The following SLC24A2 variants were observed in gnomAD, a reference collection of about 807,000 sequenced individuals.
SLC24A2 encodes the protein sodium/potassium/calcium exchanger 2.
Under a neutral mutation model 62.0 loss-of-function variants are expected in SLC24A2, and 36 were observed. The ratio of observed to expected loss-of-function variants is 0.58; its 90% CI spans 0.44 to 0.77. The LOEUF (loss-of-function observed/expected upper bound fraction) is 0.77. Ranked by LOEUF, SLC24A2 falls within the 30% of genes least tolerant of loss-of-function variation. SLC24A2 has a pLI of 0.00. For synonymous variants in SLC24A2, 358 were observed against 294.0 expected (o/e 1.22, Z -2.23); for missense variants, 846 against 817.9 (o/e 1.03, Z -0.42).
chr9:19,994,750 C>T, the SLC24A2 span, among the ~76,000 whole-genome samples: 9 of 152,166 alleles, frequency 5.9e-5, no homozygotes, highest in Non-Finnish European at 8.8e-5. Flanking sequence ...CTTCATGCAC[C>T]GGTCCTCAAC....
the SLC24A2 span, among the ~76,000 whole-genome samples, chr9:20,063,574 A>G: frequency 6.6e-6 from 1 of 152,092 alleles, no homozygotes; most frequent in Non-Finnish European, 1.5e-5. Flanking sequence ...GCGCATCAGC[A>G]TGGCACATGT....
At chr9:19,669,472 C>T (rs531792092) in intron 2 of SLC24A2, among the ~76,000 whole-genome samples, 1 of 152,194 alleles carries the variant, frequency 6.6e-6, no homozygotes, top group Non-Finnish European at 1.5e-5. Flanking sequence ...CAATAAATAA[C>T]CACAAACTTA....
the SLC24A2 span, among the ~76,000 whole-genome samples, chr9:19,975,772 T>C: frequency 2.0e-5 from 3 of 152,182 alleles, no homozygotes; most frequent in African/African-American, 7.2e-5. Context: ...TTTTGTTTTG[T>C]GGCTTATCCT....
At chr9:19,911,428 T>C in the SLC24A2 span, among the ~76,000 whole-genome samples, 4 of 152,286 alleles carry the variant, frequency 2.6e-5, no homozygotes, top group South Asian at 2.1e-4. Flanking sequence ...TTTGGGTATA[T>C]ACCCAGTAAT....
At chr9:20,240,061 C>T in the SLC24A2 span, among the ~76,000 whole-genome samples, 1 of 151,980 alleles carries the variant, frequency 6.6e-6, no homozygotes, top group African/African-American at 2.4e-5. Context: ...GAACTTGATC[C>T]CTTCTGGCCC....
chr9:20,170,084 T>C, the SLC24A2 span, among the ~76,000 whole-genome samples: 1 of 149,906 alleles, frequency 6.7e-6, no homozygotes, highest in African/African-American at 2.5e-5. Context: ...AGAAAGAACT[T>C]CAGAGCTCAA....
the SLC24A2 span, among the ~76,000 whole-genome samples, chr9:19,962,170 T>TA: frequency 6.6e-6 from 1 of 152,240 alleles, no homozygotes; most frequent in Admixed American, 6.5e-5. Context: ...GCAGTGTGAC[T>TA]GTCTTCAAAT....
chr9:20,051,919 T>C, the SLC24A2 span, among the ~76,000 whole-genome samples: 18,292 of 151,892 alleles, frequency 0.12, 1,086 homozygotes, highest in East Asian at 0.17. Context: ...AGAAGAATCC[T>C]TTAATCCCCC....
intron 5 of SLC24A2, among the ~76,000 whole-genome samples, chr9:19,596,367 C>G (rs1490702899): frequency 6.6e-6 from 1 of 152,064 alleles, no homozygotes; most frequent in Non-Finnish European, 1.5e-5. Flanking sequence ...TGTAAAAAAC[C>G]TTAAATGTTT....
the SLC24A2 span, among the ~76,000 whole-genome samples, chr9:20,034,757 C>T: frequency 6.6e-6 from 1 of 152,234 alleles, no homozygotes; most frequent in Admixed American, 6.5e-5. Flanking sequence ...CGTGAGCCAC[C>T]GCGCCCGGCC....
the SLC24A2 span, among the ~76,000 whole-genome samples, chr9:20,300,021 G>C: frequency 2.0e-5 from 3 of 152,210 alleles, no homozygotes; most frequent in Non-Finnish European, 4.4e-5. Context: ...TACTTCCTGA[G>C]AAAGAGTAAA....
At chr9:20,266,394 G>C in the SLC24A2 span, among the ~76,000 whole-genome samples, 1 of 152,182 alleles carries the variant, frequency 6.6e-6, no homozygotes, top group Non-Finnish European at 1.5e-5. Context: ...GTCGGGGGCA[G>C]GTTCCCCAAT....
intron 9 of SLC24A2, 106 bp from the exon 10 acceptor site, chr9:19,521,166 C>CATAGCACAGTA: frequency 1.0e-6 from 1 of 981,678 alleles, no homozygotes; most frequent in Non-Finnish European, 1.6e-6. Flanking sequence ...CTATACTGTG[C>CATAGCACAGTA]TATGCAAAGT....
At position 19,525,386 on chromosome 9, in the gene SLC24A2, CTTTACTTTTTTTTTTTTTT is replaced by C. The variant is rs1833389793; in HGVS notation, c.1569+2644_1569+2662del. Among the ~76,000 whole-genome samples the C allele has an allele frequency of 1.9e-4, 9 of 47,200 alleles. 1 individual carries two copies. The South Asian group carries it at 2.4e-3, about 12-fold the overall frequency. 31.0% of individuals were successfully genotyped at this position (47,200 alleles called of 152,430 possible). A position where few individuals can be genotyped will look rare whatever the true frequency, so the allele number is the denominator to read the frequency against. ...TCTGCAAGGTTTTTTTTTCCTATTTCTTTACTTTTTTTTTTTTTTTTTTTTTTTTTTTTAAAAGACAGGG... is the reference window on the plus strand; with the variant it reads ...TCTGCAAGGTTTTTTTTTCCTATTTCTTTTTTTTTTTTTTAAAAGACAGGG... On this transcript the variant is annotated intron_variant, in intron 9 of 10. Coordinates refer to ENST00000341998, the MANE Select transcript of SLC24A2 (RefSeq NM_020344.4).
the SLC24A2 span, among the ~76,000 whole-genome samples, chr9:19,970,440 A>T: frequency 6.6e-6 from 1 of 152,176 alleles, no homozygotes. Flanking sequence ...CAGGTGTGTG[A>T]GTGTTTTTTC....
chr9:19,736,650 G>A (rs1821518781), intron 2 of SLC24A2, among the ~76,000 whole-genome samples: 1 of 152,180 alleles, frequency 6.6e-6, no homozygotes, highest in East Asian at 1.9e-4. Context: ...ACTAGCCTGG[G>A]CAACATAGTG....
At chr9:20,023,654 C>A in the SLC24A2 span, among the ~76,000 whole-genome samples, 1 of 152,168 alleles carries the variant, frequency 6.6e-6, no homozygotes, top group Admixed American at 6.5e-5. Flanking sequence ...AGAAAAGGCA[C>A]AATCTGTTTA....
At chr9:20,234,199 T>C in the SLC24A2 span, among the ~76,000 whole-genome samples, 474 of 152,282 alleles carry the variant, frequency 3.1e-3, no homozygotes, top group Non-Finnish European at 5.6e-3. Context: ...CTGACAATTA[T>C]GTGTCTTGGA....
chr9:19,720,870 T>C (rs1008414601), intron 2 of SLC24A2, among the ~76,000 whole-genome samples: 1 of 136,900 alleles, frequency 7.3e-6, no homozygotes, highest in Non-Finnish European at 1.7e-5. Flanking sequence ...TGTGTGTGTG[T>C]GTGTGTGTGT....
Sources: allele counts gnomAD v4.1 joint callset (sites outside exome capture counted in the v4.1 genomes callset), GRCh38; gene constraint gnomAD v4.1.1; transcripts MANE v1.5; gene names NCBI Gene and HGNC (gene_info 2026-07-23, HGNC 2026-07-21).